The following CAPS2 variants were observed in gnomAD, a reference collection of about 807,000 sequenced individuals.
The protein encoded by CAPS2 is calcyphosine 2, also known as calcyphosin-2.
Under a neutral mutation model 86.5 loss-of-function variants are expected in CAPS2, and 98 were observed. The ratio of observed to expected loss-of-function variants is 1.13; its 90% confidence interval spans 0.96 to 1.34. The LOEUF (loss-of-function observed/expected upper bound fraction) is 1.34. Ranked by LOEUF, CAPS2 falls within the 40% of genes most tolerant of loss-of-function variation. The pLI is 0.00. For missense variants in CAPS2, 729 were observed against 686.8 expected, an observed-to-expected ratio of 1.06 and a Z score of -0.69; for synonymous variants, 210 against 225.1, an observed-to-expected ratio of 0.93 and a Z score of 0.60.
intron 1 of CAPS2, among the ~76,000 whole-genome samples, chr12:75,388,100 G>A (rs1566052192): frequency 6.6e-6 from 1 of 152,146 alleles, no homozygotes; most frequent in Non-Finnish European, 1.5e-5. Context: ...AGAGGTAACT[G>A]AATCATGGGG....
chr12:75,335,405 A>T (rs1241029418), intron 1 of CAPS2, among the ~76,000 whole-genome samples: 2 of 152,340 alleles, frequency 1.3e-5, no homozygotes, highest in East Asian at 3.9e-4. Flanking sequence ...CATAAAAAGC[A>T]TTGGATTATT....
chr12:75,357,901 C>G (rs932250553), intron 1 of CAPS2, among the ~76,000 whole-genome samples: 11 of 150,106 alleles, frequency 7.3e-5, no homozygotes, highest in African/African-American at 2.4e-4. Context: ...AAAAAAAGAA[C>G]AGTCTCCAGT....
At chr12:75,356,900 G>C (rs573428386) in intron 1 of CAPS2, among the ~76,000 whole-genome samples, 1 of 152,018 alleles carries the variant, frequency 6.6e-6, no homozygotes, top group African/African-American at 2.4e-5. Context: ...GTCAAAGAAG[G>C]CTACAGTGCT....
chr12:75,346,926 C>T (rs1448840430), intron 1 of CAPS2, among the ~76,000 whole-genome samples: 2 of 151,718 alleles, frequency 1.3e-5, no homozygotes, highest in Admixed American at 1.3e-4. Context: ...ATTTTTTTCC[C>T]TTTTTTGTTT....
chr12:75,314,417 C>G (rs548719324), intron 6 of CAPS2, among the ~76,000 whole-genome samples: 1 of 151,888 alleles, frequency 6.6e-6, no homozygotes, highest in South Asian at 2.1e-4. Flanking sequence ...TATTATTTAG[C>G]CTACACTGAA....
At chr12:75,294,944 T>C (rs2036631250) in intron 11 of CAPS2, 1 of 152,236 alleles carries the variant, frequency 6.6e-6, no homozygotes, top group Non-Finnish European at 1.5e-5. Context: ...AGATGGCTGA[T>C]ACTTAAATAA....
rs749492388 is a variant in CAPS2, at chr12:75,279,062, T to C, written c.1616A>G (p.His539Arg). 5 of 1,589,036 alleles carry C rather than the reference T, an allele frequency of 3.1e-6. No individual in the cohort carries two copies. The Admixed American group carries it at 9.1e-5, about 29-fold the overall frequency. Residue 539 changes from histidine to arginine, a missense_variant, in exon 17 of 17, where the codon CAT (histidine) becomes CGT (arginine). By Grantham distance (29) the His-to-Arg change is conservative. Coordinates refer to ENST00000393284, the Ensembl canonical transcript of CAPS2. ...TGATTTGATTTCTTCCTCTGTTGAA[T>C]GGCCTATAAAATAGTACTGAGTATG...
intron 1 of CAPS2, among the ~76,000 whole-genome samples, chr12:75,386,756 A>G (rs575303455): frequency 1.3e-5 from 2 of 152,358 alleles, no homozygotes; most frequent in East Asian, 1.9e-4. Context: ...ATAGAACAGC[A>G]TAAATAAAGT....
intron 5 of CAPS2, 45 bp from the exon 6 acceptor site, chr12:75,316,479 A>T (rs75513546): frequency 6.8e-7 from 1 of 1,462,676 alleles, no homozygotes; most frequent in South Asian, 1.5e-5. Context: ...CATATTTAGA[A>T]TGTTTGTTTT....
At chr12:75,276,407 CA>C, downstream of CAPS2, 1 of 981,112 alleles carries the variant, frequency 1.0e-6, no homozygotes, top group Non-Finnish European at 1.2e-6. Context: ...AACTGGAAGT[CA>C]AAAGTAATAT....
intron 1 of CAPS2, chr12:75,373,546 T>C (rs187792338): frequency 5.1e-4 from 78 of 152,320 alleles, no homozygotes; most frequent in African/African-American, 1.8e-3. Flanking sequence ...CCAAGCAAAG[T>C]GTACAGCCAG....
chr12:75,371,378 G>A (rs573331390), intron 1 of CAPS2: 10 of 213,676 alleles, frequency 4.7e-5, no homozygotes, highest in Middle Eastern at 5.5e-4. Context: ...GCTGGCAGCC[G>A]ATTGGATGTT....
chr12:75,317,007 T>C (rs570981073), intron 5 of CAPS2, among the ~76,000 whole-genome samples: 2 of 152,182 alleles, frequency 1.3e-5, no homozygotes, highest in Admixed American at 6.6e-5. Flanking sequence ...AAAAACTTAA[T>C]AGATTATAAG....
At chr12:75,291,806 T>G in exon 13 of CAPS2, 1 of 1,550,812 alleles carries the variant, frequency 6.4e-7, no homozygotes, top group Non-Finnish European at 8.8e-7. Flanking sequence ...ATCCTCCTGT[T>G]CCATAGAAGC....
intron 7 of CAPS2, chr12:75,306,074 C>A: frequency 6.8e-7 from 1 of 1,466,906 alleles, no homozygotes; most frequent in Non-Finnish European, 9.4e-7. Context: ...ACGTGCTGCG[C>A]GTCCTGGGGC....
At chr12:75,318,219 T>C (rs1452790866) in intron 5 of CAPS2, 1 of 152,160 alleles carries the variant, frequency 6.6e-6, no homozygotes, top group Non-Finnish European at 1.5e-5. Context: ...CTTCAGAATC[T>C]GTCAACAATA....
At chr12:75,369,700 T>C (rs1227514600) in intron 1 of CAPS2, 9 of 985,050 alleles carry the variant, frequency 9.1e-6, no homozygotes, top group Non-Finnish European at 8.4e-6. Context: ...AACTACTTTA[T>C]AGCTTTTTCT....
rs202075791 is a variant in CAPS2, at chr12:75,306,936, A to G, written c.660-2060T>C. Among the ~76,000 whole-genome samples, 6 of 152,206 alleles carry G rather than the reference A, an allele frequency of 3.9e-5. No homozygotes were observed. The East Asian group carries it at 1.2e-3, about 30-fold the overall frequency. On this transcript the variant is annotated intron_variant, in intron 7 of 16. Transcript: ENST00000393284. ...TAAAGATTCTTGTGATATAATCCAA[A>G]AAAAAAATTGACTACAAGTTAGCAC...
chr12:75,285,906 A>G lies in CAPS2; in HGVS notation c.1396-826T>C, dbSNP rs1489749343. ...TGAATGACTCTAATATTATTCTACA[A>G]TTTACACTGAAAGGTATAATTTGGA... is the stretch of plus-strand genomic sequence containing the variant. On this transcript the variant is annotated intron_variant, in intron 14 of 16. Coordinates refer to ENST00000393284, the Ensembl canonical transcript of CAPS2. Among the ~76,000 whole-genome samples the G allele has an allele frequency of 4.6e-5, 7 of 152,058 alleles. No homozygotes were observed. In the South Asian group the frequency reaches 1.5e-3, roughly 32 times the overall value.
Sources: allele counts gnomAD v4.1 joint callset (sites outside exome capture counted in the v4.1 genomes callset), GRCh38; gene constraint gnomAD v4.1.1; transcripts MANE v1.5; gene names NCBI Gene and HGNC (gene_info 2026-07-23, HGNC 2026-07-21).